Variants in ABCA8 observed in about 807,000 individuals in gnomAD.
The protein encoded by ABCA8 is ATP binding cassette subfamily A member 8.
Under a neutral mutation model 192.3 loss-of-function variants are expected in ABCA8, and 177 were observed. The observed-to-expected ratio is 0.92, with a 90% CI of 0.81 to 1.04. ABCA8 has a LOEUF of 1.04. Among genes scored for constraint, ABCA8 ranks in the 50% least tolerant of loss-of-function variants. The pLI is 0.00. For synonymous variants in ABCA8, 642 were observed against 690.2 expected, an observed-to-expected ratio of 0.93 and a Z score of 1.09; for missense variants, 1,915 against 1,904.8, an observed-to-expected ratio of 1.01 and a Z score of -0.10.
At chr17:68,894,746 G>T in intron 22 of ABCA8, 134 bp downstream of exon 22, 2 of 1,001,898 alleles carry the variant, frequency 2.0e-6, no homozygotes, top group Non-Finnish European at 2.8e-6. Flanking sequence ...TTATGCCAGT[G>T]AATACAATTC....
At chr17:68,879,501 C>G (rs1293676949) in intron 32 of ABCA8, 4 of 152,216 alleles carry the variant, frequency 2.6e-5, no homozygotes, top group Non-Finnish European at 5.9e-5. Context: ...CTGGCTGCAG[C>G]AAGGGAGACG....
chr17:68,918,423 T>C lies in ABCA8; in HGVS notation c.1908+4A>G. 6.4e-7 allele frequency: 1 copy of C among 1,570,454 alleles called. No individual in the cohort carries two copies. Among genetic ancestry groups the C allele is most frequent in the Non-Finnish European group, 8.6e-7 (1 of 1,162,730 alleles). On this transcript the variant is annotated splice_donor_region_variant and intron_variant, in intron 15 of 39. Transcript: ENST00000586539. ...AATTCACCTGCAAATTCAATGTGAC[T>C]CACCTGAGGATCTCCTAAAATGGCA...
chr17:68,885,267 C>T lies in ABCA8; in HGVS notation c.3478G>A (p.Asp1160Asn). The change falls in exon 27 of 40, where the codon GAT (aspartate) becomes AAT (asparagine). Residue 1160 changes from aspartate (D) to asparagine (N), a missense_variant. Physicochemically the swap from Asp to Asn is conservative, Grantham distance 23 (BLOSUM62 1). Coordinates refer to ENST00000586539, the MANE Select transcript of ABCA8 (RefSeq NM_001288985.2). ...AAAAAAGTGAAGATAAATGGAATAT[C>T]ACTTTCGAAGATACTGAACGCAAAT... The part of the protein sequence containing the change: ...AGFAFSIFES[D>N]IPFIFTFLIP... 1 of 1,613,316 alleles carries T rather than the reference C, an allele frequency of 6.2e-7. No individual in the cohort carries two copies. The highest frequency in any genetic ancestry group is 8.5e-7 in the Non-Finnish European group (1 of 1,179,648).
intron 32 of ABCA8, 53 bp downstream of exon 32, chr17:68,881,067 C>G: frequency 1.6e-6 from 2 of 1,277,486 alleles, no homozygotes; most frequent in Non-Finnish European, 2.3e-6. Context: ...GTCATCAAAT[C>G]TTATCAATCT....
chr17:68,944,357 T>TACACAC (rs1470139309), intron 2 of ABCA8, among the ~76,000 whole-genome samples: 4 of 53,410 alleles, frequency 7.5e-5, no homozygotes, highest in African/African-American at 1.3e-4. Flanking sequence ...TATATATATA[T>TACACAC]ATACACATAT....
intron 24 of ABCA8, among the ~76,000 whole-genome samples, chr17:68,887,881 C>CAT (rs1202636158): frequency 0.082 from 5,547 of 67,948 alleles, 413 homozygotes; most frequent in African/African-American, 0.2. Context: ...TTCTCTCCTC[C>CAT]ATATATATAT....
At position 68,876,526 on chromosome 17, in the gene ABCA8, T is replaced by C. The variant is rs1270568786; in HGVS notation, c.4304A>G (p.Asn1435Ser). 6.2e-7 allele frequency: 1 copy of C among 1,613,976 alleles called. No homozygotes were observed. The highest frequency in any genetic ancestry group is 2.2e-5 in the East Asian group (1 of 44,860). The change falls in exon 35 of 40, where the codon AAC becomes AGC. Residue 1435 changes from asparagine (N) to serine (S), a missense_variant. Coordinates refer to ENST00000586539, the MANE Select transcript of ABCA8 (RefSeq NM_001288985.2). ...KLCFVLSILG[N>S]PSVVLLDEPS... is the part of the protein sequence containing the mutation. The stretch of plus-strand genomic sequence containing the variant: ...CTCATCCAGAAGCACCACTGACGGG[T>C]TCCCCAGTATGCTCAGGACAAAGCA...
intron 18 of ABCA8, among the ~76,000 whole-genome samples, chr17:68,907,523 C>T (rs1381854109): frequency 2.6e-5 from 4 of 152,178 alleles, no homozygotes; most frequent in East Asian, 1.9e-4. Flanking sequence ...CTAAAAGAAG[C>T]CCTCTAAAAT....
chr17:68,882,066 C>A lies in ABCA8; in HGVS notation c.3829-86G>T, dbSNP rs2066349623. The A allele has an allele frequency of 2.9e-5, 32 of 1,120,068 alleles. No homozygotes were observed. The East Asian group carries it at 6.9e-4, about 24-fold the overall frequency. 69.4% of individuals were successfully genotyped at this position (1,120,068 alleles called of 1,614,324 possible). A position where few individuals can be genotyped will look rare whatever the true frequency, so the allele number is the denominator to read the frequency against. On this transcript the variant is annotated intron_variant, in intron 30 of 39. Coordinates refer to ENST00000586539, the MANE Select transcript of ABCA8 (RefSeq NM_001288985.2). Reference sequence around the variant, plus strand: ...AATTCCATCTTCCCATTGGCTGGACCCTTTGTTGCCCCAGCCATGCATCAA... The same window carrying A: ...AATTCCATCTTCCCATTGGCTGGACACTTTGTTGCCCCAGCCATGCATCAA...
intron 24 of ABCA8, among the ~76,000 whole-genome samples, chr17:68,889,631 C>A (rs1301340718): frequency 6.6e-6 from 1 of 152,172 alleles, no homozygotes; most frequent in Non-Finnish European, 1.5e-5. Flanking sequence ...TTCTGTACCA[C>A]AATCATAGGC....
chr17:68,901,530 G>A (rs541518331), intron 21 of ABCA8, among the ~76,000 whole-genome samples: 3 of 152,118 alleles, frequency 2.0e-5, no homozygotes, highest in Non-Finnish European at 4.4e-5. Context: ...ATGTGAGGCC[G>A]GGCGCGGTGG....
chr17:68,917,875 C>A (rs536669923), intron 16 of ABCA8, among the ~76,000 whole-genome samples, 172 bp downstream of exon 16: 1 of 152,280 alleles, frequency 6.6e-6, no homozygotes, highest in Non-Finnish European at 1.5e-5. Flanking sequence ...CTGCAAGATA[C>A]ACTGAAATGG....
At chr17:68,883,341 G>A (rs905290855) in intron 29 of ABCA8, among the ~76,000 whole-genome samples, 17 of 152,170 alleles carry the variant, frequency 1.1e-4, no homozygotes, top group Admixed American at 5.2e-4. Context: ...GTATGGTGCC[G>A]AAAATAGTCT....
chr17:68,901,739 C>T (rs1014017503), intron 21 of ABCA8, among the ~76,000 whole-genome samples: 5 of 146,884 alleles, frequency 3.4e-5, no homozygotes, highest in African/African-American at 1.0e-4. Context: ...ATCTGGGAGG[C>T]GGAGGTTGCA....
Position 68,884,344 on chromosome 17 carries a change from A to T in ABCA8, c.3602T>A (p.Leu1201Gln). 6.3e-7 allele frequency: 1 copy of T among 1,585,646 alleles called. No homozygotes were observed. Among genetic ancestry groups the T allele is most frequent in the Admixed American group, 1.9e-5 (1 of 52,494 alleles). Residue 1201 changes from leucine to glutamine, a missense_variant, in exon 28 of 40, where the codon CTG (leucine) becomes CAG (glutamine). Physicochemically the swap from Leu to Gln is moderately radical, Grantham distance 113. Transcript: ENST00000586539. ...SEERMDVQPF[L>Q]VFLIPFLHFI... ...GTGTGTTCTTACAATTAGGAATACC[A>T]GAAATGGCTGTACATCCATTCGTTC...
chr17:68,952,683 CCT>C (rs2068602707), intron 1 of ABCA8, among the ~76,000 whole-genome samples: 1 of 152,154 alleles, frequency 6.6e-6, no homozygotes, highest in Admixed American at 6.5e-5. Context: ...AAACTTTTGT[CCT>C]CTCTGTAGGC....
chr17:68,955,045 C>A (rs1472850416), intron 1 of ABCA8, among the ~76,000 whole-genome samples, 174 bp downstream of exon 1: 3 of 152,080 alleles, frequency 2.0e-5, no homozygotes, highest in Non-Finnish European at 4.4e-5. Flanking sequence ...GATATAAAAT[C>A]TTTAAAGTAG....
At chr17:68,904,622 GAT>G (rs1162593503) in intron 19 of ABCA8, among the ~76,000 whole-genome samples, 2 of 152,126 alleles carry the variant, frequency 1.3e-5, no homozygotes, top group African/African-American at 4.8e-5. Context: ...TATGTGGGCT[GAT>G]ATAACTGACT....
In ABCA8 at chr17:68,932,378, A is replaced by T. The variant is rs774414217; in HGVS notation, c.707T>A (p.Phe236Tyr). Residue 236 changes from phenylalanine to tyrosine, a missense_variant, in exon 7 of 40, where the codon TTC (phenylalanine) becomes TAC (tyrosine). Coordinates refer to ENST00000586539, the MANE Select transcript of ABCA8 (RefSeq NM_001288985.2). ...GACATTAACAGATGCATAGTAAATG[A>T]ATGAGGAAAATGAAATAATGCAGGA... ...LFSCIISFSS[F>Y]IYYASVNVTR... is the part of the protein sequence containing the mutation. The T allele has an allele frequency of 8.7e-6, 14 of 1,614,022 alleles. No homozygotes were observed. Among genetic ancestry groups the T allele is most frequent in the Non-Finnish European group, 1.2e-5 (14 of 1,179,894 alleles).
Sources: gnomAD v4.1 joint callset for allele counts (sites outside exome capture counted in the v4.1 genomes callset) on GRCh38, gnomAD v4.1.1 for gene constraint, MANE v1.5 for transcripts, NCBI Gene and HGNC (gene_info 2026-07-23, HGNC 2026-07-21) for gene names.